Variants in MGAT4C observed in about 807,000 individuals in gnomAD.
MGAT4C encodes MGAT4 family member C.
A neutral mutation model predicts 40.1 loss-of-function variants in MGAT4C; 19 were observed. That is an observed-to-expected ratio of 0.47 (90% CI 0.33 to 0.70). MGAT4C has a LOEUF of 0.70. Among genes scored for constraint, MGAT4C ranks in the 30% least tolerant of loss-of-function variants. The pLI is 0.02. For missense variants in MGAT4C, 491 were observed against 563.2 expected, an observed-to-expected ratio of 0.87 and a Z score of 1.30; for synonymous variants, 181 against 187.1, an observed-to-expected ratio of 0.97 and a Z score of 0.27.
chr12:86,108,283 C>G (rs947943749), intron 1 of MGAT4C, among the ~76,000 whole-genome samples: 1 of 152,028 alleles, frequency 6.6e-6, no homozygotes, highest in African/African-American at 2.4e-5. Context: ...ATAAGACTGA[C>G]AGAAGATACT....
intron 1 of MGAT4C, among the ~76,000 whole-genome samples, chr12:86,129,023 G>T (rs1880762974): frequency 6.6e-6 from 1 of 152,148 alleles, no homozygotes; most frequent in South Asian, 2.1e-4. Context: ...ATGTTCCATT[G>T]GTCTATGTGC....
intron 4 of MGAT4C, among the ~76,000 whole-genome samples, chr12:86,264,729 C>G (rs1206016324): frequency 6.6e-6 from 1 of 152,200 alleles, no homozygotes; most frequent in Non-Finnish European, 1.5e-5. Context: ...TCTCCGGGCC[C>G]GGGAAGCAGC....
intron 2 of MGAT4C, among the ~76,000 whole-genome samples, chr12:86,659,179 A>G (rs1294839711): frequency 6.6e-6 from 1 of 151,674 alleles, no homozygotes; most frequent in Non-Finnish European, 1.5e-5. Flanking sequence ...CTTTTTTTTC[A>G]CTTAACATGT....
intron 4 of MGAT4C, among the ~76,000 whole-genome samples, chr12:86,304,439 G>T (rs1357445696): frequency 6.6e-6 from 1 of 150,432 alleles, no homozygotes; most frequent in Non-Finnish European, 1.5e-5. Flanking sequence ...AGAAAAAATA[G>T]CAAAATCAAA....
At position 86,623,028 on chromosome 12, in the gene MGAT4C, C is replaced by T. The variant is rs186331197; in HGVS notation, c.-229+104181G>A. ...GATAGGATTAACAACAAATTAGACACTTCAGAACAAAAGATTAGTGAACCT... is the reference window on the plus strand; with the variant it reads ...GATAGGATTAACAACAAATTAGACATTTCAGAACAAAAGATTAGTGAACCT... On this transcript the variant is annotated intron_variant, in intron 2 of 7. Coordinates refer to the MGAT4C transcript ENST00000548651. Among the ~76,000 whole-genome samples, 44 of 152,200 alleles carry T rather than the reference C, an allele frequency of 2.9e-4. 2 individuals are homozygous for T. Among genetic ancestry groups the T allele is most frequent in the Admixed American group, 2.6e-3 (40 of 15,282 alleles).
intron 1 of MGAT4C, among the ~76,000 whole-genome samples, chr12:86,149,594 A>G (rs1327486206): frequency 6.6e-6 from 1 of 152,184 alleles, no homozygotes; most frequent in Non-Finnish European, 1.5e-5. Context: ...CATAGCTATG[A>G]AAGAGTAAAA....
intron 2 of MGAT4C, among the ~76,000 whole-genome samples, chr12:86,517,791 GC>G: frequency 1.3e-5 from 2 of 152,148 alleles, no homozygotes; most frequent in Middle Eastern, 6.8e-3. Flanking sequence ...GACGACAGGC[GC>G]CCGCCACCAC....
chr12:86,829,461 T>C (rs1952875589), intron 1 of MGAT4C, among the ~76,000 whole-genome samples: 1 of 151,576 alleles, frequency 6.6e-6, no homozygotes, highest in African/African-American at 2.4e-5. Context: ...AAGCTAAATA[T>C]AATGCAATAC....
At position 86,056,454 on chromosome 12, in the gene MGAT4C, A is replaced by G. The variant is rs563581518; in HGVS notation, c.-56-6731T>C. Among the ~76,000 whole-genome samples the G allele has an allele frequency of 4.6e-5, 7 of 152,164 alleles. No individual in the cohort carries two copies. The East Asian group carries it at 7.8e-4, about 17-fold the overall frequency. On this transcript the variant is annotated intron_variant, in intron 1 of 4. Transcript: ENST00000611864. ...TGTGTCCAAGTGTTCTCATTGTTCAATTCCCACCTATGAGTGAGAACATGC... is the reference window on the plus strand; with the variant it reads ...TGTGTCCAAGTGTTCTCATTGTTCAGTTCCCACCTATGAGTGAGAACATGC...
chr12:86,226,479 T>C (rs1351162393), intron 1 of MGAT4C, among the ~76,000 whole-genome samples: 2 of 151,962 alleles, frequency 1.3e-5, no homozygotes, highest in South Asian at 2.1e-4. Context: ...GTAAAACTTA[T>C]ATCTTCATCT....
intron 2 of MGAT4C, among the ~76,000 whole-genome samples, chr12:86,639,116 T>A (rs1390190219): frequency 6.6e-6 from 1 of 151,778 alleles, no homozygotes; most frequent in African/African-American, 2.4e-5. Flanking sequence ...CTTCACCTTT[T>A]GGGACACTCT....
chr12:86,802,116 C>A (rs1386164414), intron 1 of MGAT4C, among the ~76,000 whole-genome samples: 1 of 151,914 alleles, frequency 6.6e-6, no homozygotes. Context: ...CCTGTGTAAA[C>A]TTATAATTAG....
At chr12:86,530,896 A>C (rs1958970506) in intron 2 of MGAT4C, among the ~76,000 whole-genome samples, 1 of 152,108 alleles carries the variant, frequency 6.6e-6, no homozygotes, top group Non-Finnish European at 1.5e-5. Context: ...ATGTACAGCA[A>C]ATGTTATATA....
chr12:86,768,944 G>A (rs1186974862), intron 1 of MGAT4C, among the ~76,000 whole-genome samples: 1 of 151,970 alleles, frequency 6.6e-6, no homozygotes, highest in South Asian at 2.1e-4. Context: ...TTACCATGCA[G>A]GACATAGGCA....
chr12:85,995,156 C>T (rs1886464491), intron 2 of MGAT4C, among the ~76,000 whole-genome samples: 1 of 152,058 alleles, frequency 6.6e-6, no homozygotes, highest in South Asian at 2.1e-4. Flanking sequence ...GTGAAGAAAC[C>T]AAATAGGTAA....
At chr12:86,663,878 G>T (rs1291823078) in intron 2 of MGAT4C, among the ~76,000 whole-genome samples, 1 of 152,078 alleles carries the variant, frequency 6.6e-6, no homozygotes, top group Non-Finnish European at 1.5e-5. Context: ...TATGCTTGTG[G>T]GCAAAGAATT....
At chr12:86,645,800 TA>T (rs957636269) in intron 2 of MGAT4C, among the ~76,000 whole-genome samples, 2 of 151,750 alleles carry the variant, frequency 1.3e-5, no homozygotes, top group African/African-American at 4.8e-5. Flanking sequence ...ACCAGGAAAT[TA>T]AAAACAGCAT....
At chr12:86,836,918 T>C (rs1287150227) in intron 1 of MGAT4C, among the ~76,000 whole-genome samples, 2 of 152,104 alleles carry the variant, frequency 1.3e-5, no homozygotes, top group African/African-American at 4.8e-5. Flanking sequence ...CTTTAGCACA[T>C]TGTTTGAGAT....
At chr12:86,505,032 C>T (rs541513733) in intron 2 of MGAT4C, among the ~76,000 whole-genome samples, 3 of 152,274 alleles carry the variant, frequency 2.0e-5, no homozygotes, top group South Asian at 4.1e-4. Flanking sequence ...AAGTGTCACA[C>T]ACTCATTTCA....
Sources: gnomAD v4.1 joint callset for allele counts (sites outside exome capture counted in the v4.1 genomes callset) on GRCh38, gnomAD v4.1.1 for gene constraint, MANE v1.5 for transcripts, NCBI Gene and HGNC (gene_info 2026-07-23, HGNC 2026-07-21) for gene names.